Variants in NDST3 observed in about 807,000 individuals in gnomAD.
NDST3 encodes the protein bifunctional heparan sulfate N-deacetylase/N-sulfotransferase 3.
NDST3 carries 58 observed loss-of-function variants against 96.1 expected under a neutral mutation model. That is an observed-to-expected ratio of 0.60 (90% CI 0.49 to 0.75). NDST3 has a LOEUF of 0.75. Among genes scored for constraint, NDST3 ranks in the 30% least tolerant of loss-of-function variants. The pLI is 0.00. For missense variants in NDST3, 788 were observed against 1,034.2 expected, an observed-to-expected ratio of 0.76 and a Z score of 3.27; for synonymous variants, 333 against 359.7, an observed-to-expected ratio of 0.93 and a Z score of 0.84.
chr4:118,067,373 G>A (rs1726677852), intron 2 of NDST3, among the ~76,000 whole-genome samples: 1 of 152,024 alleles, frequency 6.6e-6, no homozygotes, highest in African/African-American at 2.4e-5. Flanking sequence ...AGTAAAGGGA[G>A]AAAATACTTT....
chr4:118,214,488 T>C (rs987840570), intron 6 of NDST3, among the ~76,000 whole-genome samples: 3 of 152,188 alleles, frequency 2.0e-5, no homozygotes, highest in Non-Finnish European at 2.9e-5. Flanking sequence ...TTAAGTATAT[T>C]ATTTAAATTG....
At chr4:118,165,086 T>C (rs1313505606) in intron 6 of NDST3, among the ~76,000 whole-genome samples, 1 of 152,012 alleles carries the variant, frequency 6.6e-6, no homozygotes, top group Non-Finnish European at 1.5e-5. Flanking sequence ...CTATCAGTAG[T>C]TACATTACAT....
intron 5 of NDST3, among the ~76,000 whole-genome samples, chr4:118,139,610 G>A (rs1291456791): frequency 7.9e-5 from 12 of 152,158 alleles, no homozygotes; most frequent in Admixed American, 4.6e-4. Flanking sequence ...AGGGAACTGA[G>A]GAGTGAACTT....
intron 6 of NDST3, among the ~76,000 whole-genome samples, chr4:118,215,371 T>A (rs1285376795): frequency 6.6e-6 from 1 of 152,130 alleles, no homozygotes; most frequent in Non-Finnish European, 1.5e-5. Flanking sequence ...GTTAACCCAA[T>A]GACTACCAAG....
chr4:118,184,563 C>G (rs577840998), intron 6 of NDST3, among the ~76,000 whole-genome samples: 1 of 150,920 alleles, frequency 6.6e-6, no homozygotes, highest in Non-Finnish European at 1.5e-5. Context: ...GTCTGTCTCT[C>G]ATTTTCTCTC....
At chr4:118,251,544 G>A (rs1228545951) in intron 12 of NDST3, among the ~76,000 whole-genome samples, 1 of 151,980 alleles carries the variant, frequency 6.6e-6, no homozygotes, top group Non-Finnish European at 1.5e-5. Flanking sequence ...AAATTTAAAG[G>A]ACTAATCCTT....
At chr4:118,173,718 T>G (rs916446633) in intron 6 of NDST3, among the ~76,000 whole-genome samples, 1 of 152,200 alleles carries the variant, frequency 6.6e-6, no homozygotes, top group Non-Finnish European at 1.5e-5. Flanking sequence ...ACACTCTGTA[T>G]ACAGTATGTA....
chr4:118,169,844 C>G (rs533931936), intron 6 of NDST3, among the ~76,000 whole-genome samples: 1 of 151,394 alleles, frequency 6.6e-6, no homozygotes, highest in Admixed American at 6.6e-5. Context: ...CTCCAGGTTT[C>G]TCATGAGGTT....
At chr4:118,148,203 T>C (rs898577758) in intron 6 of NDST3, among the ~76,000 whole-genome samples, 2 of 151,970 alleles carry the variant, frequency 1.3e-5, no homozygotes, top group African/African-American at 2.4e-5. Context: ...GAGGCTGAGG[T>C]AGGAGAATCA....
chr4:118,151,066 G>A (rs891635388), intron 6 of NDST3, among the ~76,000 whole-genome samples: 117 of 152,226 alleles, frequency 7.7e-4, no homozygotes, highest in Non-Finnish European at 2.5e-4. Context: ...CATAAAAAAT[G>A]ATGAGTTCAT....
At position 118,257,358 on chromosome 4, in the gene NDST3, T is replaced by G. The variant is rs1170598396; in HGVS notation, c.*1646T>G. ...TTCACCATGTTGACTAGGCTGATCT[T>G]GAACTCCTGACCTCATGATCCACCC... On this transcript the variant is annotated 3_prime_UTR_variant, in exon 14 of 14. Coordinates refer to ENST00000296499, the MANE Select transcript of NDST3 (RefSeq NM_004784.3). The G allele has an allele frequency of 6.6e-6, 1 of 152,138 alleles. No individual in the cohort carries two copies. The highest frequency in any genetic ancestry group is 2.4e-5 in the African/African-American group (1 of 41,420). The allele number at this position is 152,138 out of a possible 1,614,324, so 9.4% of individuals were successfully genotyped here. A position where few individuals can be genotyped will look rare whatever the true frequency, so the allele number is the denominator to read the frequency against.
rs947181801 is a variant in NDST3, at chr4:118,095,666, C to T, written c.982-9352C>T. 4.0e-5 allele frequency among the ~76,000 whole-genome samples: 6 copies of T among 151,672 alleles called. No homozygotes were observed. In the East Asian group the frequency reaches 7.8e-4, roughly 20 times the overall value. On this transcript the variant is annotated intron_variant, in intron 2 of 13. Coordinates refer to ENST00000296499, the MANE Select transcript of NDST3 (RefSeq NM_004784.3). ...TATTCACAGTATTGTGCCACTACAA[C>T]CTCTGTCTAATCCAAAACATTTTCA...
intron 2 of NDST3, among the ~76,000 whole-genome samples, chr4:118,061,229 T>C (rs1408894836): frequency 6.6e-6 from 1 of 152,154 alleles, no homozygotes; most frequent in East Asian, 1.9e-4. Context: ...CTCCCTAAAG[T>C]GTCCTTCCCC....
chr4:118,161,978 G>C (rs1364090712), intron 6 of NDST3, among the ~76,000 whole-genome samples: 1 of 152,172 alleles, frequency 6.6e-6, no homozygotes, highest in Non-Finnish European at 1.5e-5. Context: ...CACGCTGGGA[G>C]CTGTAGACCG....
At chr4:118,192,064 ATTTGCTG>A (rs762729911) in intron 6 of NDST3, among the ~76,000 whole-genome samples, 1 of 152,230 alleles carries the variant, frequency 6.6e-6, no homozygotes, top group Non-Finnish European at 1.5e-5. Flanking sequence ...TCATATGCCT[ATTTGCTG>A]TTTCTATACC....
chr4:118,216,016 G>A (rs921079263), intron 6 of NDST3, among the ~76,000 whole-genome samples: 2 of 152,104 alleles, frequency 1.3e-5, no homozygotes, highest in African/African-American at 4.8e-5. Context: ...CATTGAGATT[G>A]GGGACCATAT....
intron 1 of NDST3, among the ~76,000 whole-genome samples, chr4:118,045,339 G>C (rs1724702151): frequency 6.6e-6 from 1 of 151,952 alleles, no homozygotes; most frequent in African/African-American, 2.4e-5. Flanking sequence ...TCCTGTTATA[G>C]TCATTGTCTC....
intron 2 of NDST3, among the ~76,000 whole-genome samples, chr4:118,067,276 C>G (rs1384703778): frequency 6.6e-6 from 1 of 151,880 alleles, no homozygotes; most frequent in Non-Finnish European, 1.5e-5. Context: ...AGTGTGATTG[C>G]TTTAAAAAAG....
chr4:118,051,071 C>A (rs1428044874), intron 1 of NDST3, among the ~76,000 whole-genome samples: 2 of 152,056 alleles, frequency 1.3e-5, no homozygotes, highest in African/African-American at 4.8e-5. Context: ...AAGCCACACA[C>A]CTACAATCAT....
Sources: allele counts gnomAD v4.1 joint callset (sites outside exome capture counted in the v4.1 genomes callset), GRCh38; gene constraint gnomAD v4.1.1; transcripts MANE v1.5; gene names NCBI Gene and HGNC (gene_info 2026-07-23, HGNC 2026-07-21).